COLGALT2: variants seen among roughly 807,000 people sequenced by gnomAD.
The protein encoded by COLGALT2 is procollagen galactosyltransferase 2.
Under a neutral mutation model 73.4 loss-of-function variants are expected in COLGALT2, and 49 were observed. The ratio of observed to expected loss-of-function variants is 0.67; its 90% CI spans 0.53 to 0.85. The LOEUF is 0.85. Among genes scored for constraint, COLGALT2 ranks in the 40% least tolerant of loss-of-function variants. The probability of loss-of-function intolerance (pLI) is 0.00; values close to 1 mark genes in which losing one functional copy is unlikely to be tolerated. For missense variants in COLGALT2, 722 were observed against 790.2 expected (o/e 0.91, Z 1.03); for synonymous variants, 295 against 307.6 (o/e 0.96, Z 0.43).
At chr1:184,036,063 C>T (rs1649663662) in intron 1 of COLGALT2, among the ~76,000 whole-genome samples, 1 of 152,206 alleles carries the variant, frequency 6.6e-6, no homozygotes, top group African/African-American at 2.4e-5. Context: ...TTTATCAACA[C>T]AAGACAGAAA....
chr1:184,024,360 C>CTT (rs58405733), intron 1 of COLGALT2, among the ~76,000 whole-genome samples: 2 of 143,954 alleles, frequency 1.4e-5, no homozygotes, highest in African/African-American at 2.5e-5. Context: ...TTTTCTTTTT[C>CTT]TTTTTTTTTT....
chr1:183,973,848 A>C, intron 3 of COLGALT2, 98 bp from the exon 4 acceptor site: 2 of 1,156,500 alleles, frequency 1.7e-6, no homozygotes, highest in Non-Finnish European at 2.5e-6. Context: ...AAACTTGCTC[A>C]TGACATATGG....
At chr1:183,964,959 T>G (rs529017569) in intron 5 of COLGALT2, among the ~76,000 whole-genome samples, 1 of 152,220 alleles carries the variant, frequency 6.6e-6, no homozygotes, top group Admixed American at 6.5e-5. Context: ...ATTATCTGCA[T>G]AGGGACTCCT....
intron 1 of COLGALT2, among the ~76,000 whole-genome samples, chr1:184,007,728 G>C (rs1431463830): frequency 6.6e-6 from 1 of 152,060 alleles, no homozygotes; most frequent in Non-Finnish European, 1.5e-5. Context: ...TGTGAAATTG[G>C]TTCACAGTGG....
chr1:184,008,340 T>C (rs1048598009), intron 1 of COLGALT2, among the ~76,000 whole-genome samples: 5 of 152,218 alleles, frequency 3.3e-5, no homozygotes, highest in African/African-American at 1.2e-4. Context: ...CTTAATGCCA[T>C]AAATGATTTT....
intron 1 of COLGALT2, among the ~76,000 whole-genome samples, chr1:184,031,291 C>A (rs1649502453): frequency 6.6e-6 from 1 of 152,136 alleles, no homozygotes; most frequent in South Asian, 2.1e-4. Flanking sequence ...TGAGAAATTT[C>A]TTTCTACTGT....
chr1:183,972,942 G>A (rs966855983), intron 4 of COLGALT2, among the ~76,000 whole-genome samples: 5 of 152,012 alleles, frequency 3.3e-5, no homozygotes, highest in East Asian at 1.9e-4. Flanking sequence ...CTTGTAATCC[G>A]CCCGCCTTGG....
intron 1 of COLGALT2, among the ~76,000 whole-genome samples, chr1:183,983,916 C>T (rs1671419263): frequency 1.3e-5 from 2 of 152,214 alleles, no homozygotes; most frequent in African/African-American, 2.4e-5. Flanking sequence ...GAGAGGTGAT[C>T]TGCAAGTAAT....
chr1:184,036,962 G>A, intron 1 of COLGALT2, 133 bp downstream of exon 1: 6 of 761,940 alleles, frequency 7.9e-6, no homozygotes, highest in Non-Finnish European at 1.1e-5. Flanking sequence ...GGGTGTGTGC[G>A]CCAGATTTTC....
chr1:184,029,310 C>T (rs1649430198), intron 1 of COLGALT2, among the ~76,000 whole-genome samples: 1 of 152,208 alleles, frequency 6.6e-6, no homozygotes, highest in Non-Finnish European at 1.5e-5. Flanking sequence ...TAATACAATC[C>T]TGATCCTTTT....
intron 1 of COLGALT2, among the ~76,000 whole-genome samples, chr1:183,997,502 A>G (rs1671800579): frequency 6.6e-6 from 1 of 152,194 alleles, no homozygotes; most frequent in African/African-American, 2.4e-5. Context: ...CCTGGGCCAC[A>G]CTGGAAGAAG....
intron 11 of COLGALT2, chr1:183,930,394 T>C: frequency 4.8e-6 from 2 of 417,756 alleles, no homozygotes; most frequent in South Asian, 3.5e-5. Context: ...TCTTATTTTT[T>C]AATTTAATTT....
At chr1:184,033,752 A>G (rs888743154) in intron 1 of COLGALT2, among the ~76,000 whole-genome samples, 2 of 152,198 alleles carry the variant, frequency 1.3e-5, no homozygotes, top group African/African-American at 2.4e-5. Flanking sequence ...TCTGAATGTG[A>G]TCAATAAGCC....
intron 1 of COLGALT2, among the ~76,000 whole-genome samples, chr1:183,997,644 C>G (rs778537049): frequency 6.6e-6 from 1 of 152,178 alleles, no homozygotes; most frequent in Non-Finnish European, 1.5e-5. Context: ...CATTCAAAAC[C>G]GTCCTGGGCT....
chr1:184,008,363 G>A lies in COLGALT2; in HGVS notation c.263+28732C>T, dbSNP rs148076463. ...CATAAATGATTTTAGACTGGATCTT[G>A]TTTTAAAAAGAAAATTCTATAAATG... On this transcript the variant is annotated intron_variant, in intron 1 of 11. Transcript: ENST00000361927. Among the ~76,000 whole-genome samples, 36 of 152,278 alleles carry A rather than the reference G, an allele frequency of 2.4e-4. No individual in the cohort carries two copies. The East Asian group carries it at 6.9e-3, about 29-fold the overall frequency.
chr1:184,017,732 G>T (rs1649049996), intron 1 of COLGALT2, among the ~76,000 whole-genome samples: 1 of 152,118 alleles, frequency 6.6e-6, no homozygotes, highest in Non-Finnish European at 1.5e-5. Context: ...GGCCCCTGGA[G>T]CAGGCAGACT....
At chr1:184,019,224 G>T (rs1177117595) in intron 1 of COLGALT2, among the ~76,000 whole-genome samples, 1 of 152,140 alleles carries the variant, frequency 6.6e-6, no homozygotes, top group Non-Finnish European at 1.5e-5. Context: ...GCTCAGGTAG[G>T]AGACAGAAAA....
chr1:184,014,024 A>T (rs4651164), intron 1 of COLGALT2, among the ~76,000 whole-genome samples: 83,443 of 151,896 alleles, frequency 0.55, 23,245 homozygotes, highest in Middle Eastern at 0.62. Flanking sequence ...CTGAGATATA[A>T]GTTAGAGGAA....
chr1:184,037,364 G>A lies in COLGALT2; in HGVS notation c.-7C>T. 7.1e-7 allele frequency: 1 copy of A among 1,411,694 alleles called. No homozygotes were observed. Among genetic ancestry groups the A allele is most frequent in the East Asian group, 3.1e-5 (1 of 32,460 alleles). The allele number at this position is 1,411,694 out of a possible 1,614,324, so 87.4% of individuals were successfully genotyped here. On this transcript the variant is annotated 5_prime_UTR_variant, in exon 1 of 12. Coordinates refer to ENST00000361927, the MANE Select transcript of COLGALT2 (RefSeq NM_015101.4). The stretch of plus-strand genomic sequence containing the variant: ...CAGCAGGGCGCGCAGCCATGTTCCG[G>A]GCCGAGGCGGGCGGCGGGGAAGTCC...
Sources: gnomAD v4.1 joint callset for allele counts (sites outside exome capture counted in the v4.1 genomes callset) on GRCh38, gnomAD v4.1.1 for gene constraint, MANE v1.5 for transcripts, NCBI Gene and HGNC (gene_info 2026-07-23, HGNC 2026-07-21) for gene names.